NPAS3: variants seen among roughly 807,000 people sequenced by gnomAD.
The protein encoded by NPAS3 is neuronal PAS domain protein 3, also known as neuronal PAS domain-containing protein 3.
In NPAS3, 14 loss-of-function variants were observed where a neutral mutation model predicts 73.1. That is an observed-to-expected ratio of 0.19 (90% CI 0.13 to 0.30). The LOEUF is 0.30. Ranked by LOEUF, NPAS3 falls within the 10% of genes least tolerant of loss-of-function variation. The probability of loss-of-function intolerance (pLI) is 1.00; values close to 1 mark genes in which losing one functional copy is unlikely to be tolerated. For missense variants in NPAS3, 1,096 were observed against 1,250.0 expected, an observed-to-expected ratio of 0.88 and a Z score of 1.86; for synonymous variants, 620 against 541.5, an observed-to-expected ratio of 1.14 and a Z score of -2.01.
chr14:33,676,914 C>T (rs953720934), intron 6 of NPAS3, among the ~76,000 whole-genome samples: 8 of 152,098 alleles, frequency 5.3e-5, no homozygotes, highest in African/African-American at 1.9e-4. Flanking sequence ...CCTTTCTACC[C>T]TCAGTATTTA....
At chr14:33,084,810 C>G (rs1352862913) in intron 2 of NPAS3, among the ~76,000 whole-genome samples, 1 of 152,112 alleles carries the variant, frequency 6.6e-6, no homozygotes. Context: ...ACCGTCTGCC[C>G]TCATATGGGA....
chr14:33,728,441 G>A (rs769961582), intron 6 of NPAS3, among the ~76,000 whole-genome samples: 1 of 152,178 alleles, frequency 6.6e-6, no homozygotes, highest in African/African-American at 2.4e-5. Flanking sequence ...TCACAACTGG[G>A]TAGGGACAGG....
Position 33,800,560 on chromosome 14 carries a change from C to T in NPAS3, c.2253C>T (p.Leu751=), listed in dbSNP as rs1566559538. 2 of 1,322,456 alleles carry T rather than the reference C, an allele frequency of 1.5e-6. No individual in the cohort carries two copies. The highest frequency in any genetic ancestry group is 9.6e-7 in the Non-Finnish European group (1 of 1,044,830). The allele number at this position is 1,322,456 out of a possible 1,614,324, so 81.9% of individuals were successfully genotyped here. ...CCTCCGACCCGCTGTCACCCCCGCT[C>T]TCGGCGTCCCCGCGGGACAAGCACC... Residue 751 remains leucine (L), a synonymous_variant, in exon 12 of 12, where the codon CTC becomes CTT. Transcript: ENST00000356141. This position sits in a 1 kb window ranked among gnomAD's most constrained non-coding sequence, Gnocchi z 6.5.
chr14:33,045,816 T>C, intron 1 of NPAS3, among the ~76,000 whole-genome samples: 1 of 152,186 alleles, frequency 6.6e-6, no homozygotes, highest in Non-Finnish European at 1.5e-5. Context: ...ATAGGGAAGG[T>C]ACATTTATTT....
At chr14:33,719,920 T>C (rs116738442) in intron 6 of NPAS3, among the ~76,000 whole-genome samples, 86 of 152,262 alleles carry the variant, frequency 5.6e-4, no homozygotes, top group African/African-American at 1.8e-3. Flanking sequence ...CGGGGCATCA[T>C]TGGCAGATAA....
At chr14:33,512,475 G>A (rs1313816710) in intron 4 of NPAS3, among the ~76,000 whole-genome samples, 2 of 152,016 alleles carry the variant, frequency 1.3e-5, no homozygotes, top group Non-Finnish European at 2.9e-5. Flanking sequence ...AGATTTGTCA[G>A]ATCAAAATAT....
intron 3 of NPAS3, among the ~76,000 whole-genome samples, chr14:33,325,664 G>T (rs78634489): frequency 1.3e-4 from 19 of 146,496 alleles, no homozygotes; most frequent in African/African-American, 4.5e-4. Flanking sequence ...AAAAAGTACA[G>T]TTAAGTTATT....
At chr14:33,462,725 T>A (rs890149582) in intron 4 of NPAS3, among the ~76,000 whole-genome samples, 2 of 152,226 alleles carry the variant, frequency 1.3e-5, no homozygotes, top group African/African-American at 4.8e-5. Context: ...GAGGAGCTGA[T>A]GTTTGAAGTC....
intron 3 of NPAS3, among the ~76,000 whole-genome samples, chr14:33,259,060 T>C (rs1303848106): frequency 2.0e-5 from 3 of 152,114 alleles, no homozygotes; most frequent in Non-Finnish European, 4.4e-5. Context: ...TGATCCGCCC[T>C]CCTCGGCCTT....
chr14:33,686,192 A>C (rs972383884), intron 6 of NPAS3, among the ~76,000 whole-genome samples: 2 of 152,174 alleles, frequency 1.3e-5, no homozygotes, highest in Non-Finnish European at 2.9e-5. Flanking sequence ...GTGATCTCCC[A>C]GGAGACTCAT....
intron 6 of NPAS3, among the ~76,000 whole-genome samples, chr14:33,711,884 C>T (rs1352892174): frequency 3.9e-5 from 6 of 152,026 alleles, no homozygotes; most frequent in Admixed American, 2.0e-4. Flanking sequence ...CAGTTCTGCA[C>T]GGCTGCTTAG....
At chr14:33,469,941 A>G (rs969242745) in intron 4 of NPAS3, among the ~76,000 whole-genome samples, 1 of 152,122 alleles carries the variant, frequency 6.6e-6, no homozygotes, top group African/African-American at 2.4e-5. Flanking sequence ...TCTCAGCTTC[A>G]CTTGGCATCA....
At chr14:33,620,119 G>A (rs2058035402) in intron 5 of NPAS3, among the ~76,000 whole-genome samples, 1 of 152,158 alleles carries the variant, frequency 6.6e-6, no homozygotes, top group South Asian at 2.1e-4. Flanking sequence ...AAAGAATTGG[G>A]CTGGCCATGC....
chr14:33,786,070 T>C (rs111848771), intron 9 of NPAS3, among the ~76,000 whole-genome samples: 2,171 of 152,310 alleles, frequency 0.014, 45 homozygotes, highest in African/African-American at 0.05. Context: ...AGCCACTCAC[T>C]GGCAAGCGGG....
At chr14:33,019,856 T>G (rs1342760302) in intron 1 of NPAS3, among the ~76,000 whole-genome samples, 1 of 152,226 alleles carries the variant, frequency 6.6e-6, no homozygotes, top group Non-Finnish European at 1.5e-5. Flanking sequence ...GAGAATGCCT[T>G]CTAAACAACC....
chr14:33,557,861 T>C lies in NPAS3; in HGVS notation c.469-2260T>C, dbSNP rs576219803. ...GCGGGTGCCCGTAGTCCCAGCTACTTGGGAGGCTGAGGCAGGAGAATGGTG... is the reference window on the plus strand; with the variant it reads ...GCGGGTGCCCGTAGTCCCAGCTACTCGGGAGGCTGAGGCAGGAGAATGGTG... On this transcript the variant is annotated intron_variant, in intron 4 of 11. Transcript: ENST00000356141. 2.1e-3 allele frequency among the ~76,000 whole-genome samples: 316 copies of C among 152,158 alleles called. 1 individual carries two copies. The highest frequency in any genetic ancestry group is 7.2e-3 in the African/African-American group (297 of 41,512).
intron 1 of NPAS3, among the ~76,000 whole-genome samples, chr14:33,016,573 A>G (rs2039401282): frequency 6.7e-6 from 1 of 148,468 alleles, no homozygotes; most frequent in South Asian, 2.3e-4. Flanking sequence ...ATATAGAACC[A>G]TGAAAAAAGA....
intron 4 of NPAS3, among the ~76,000 whole-genome samples, chr14:33,379,715 G>A (rs2046458229): frequency 6.6e-6 from 1 of 152,250 alleles, no homozygotes; most frequent in Non-Finnish European, 1.5e-5. Flanking sequence ...GGGTGATAAT[G>A]TGCATCGTTT....
intron 7 of NPAS3, among the ~76,000 whole-genome samples, chr14:33,773,828 C>G (rs186725660): frequency 6.6e-6 from 1 of 152,278 alleles, no homozygotes; most frequent in East Asian, 1.9e-4. Context: ...TTGAAAGAAC[C>G]CATTCATGTC....
Sources: allele counts gnomAD v4.1 joint callset (sites outside exome capture counted in the v4.1 genomes callset), GRCh38; gene constraint gnomAD v4.1.1; non-coding constraint Gnocchi (gnomAD v3.1); transcripts MANE v1.5; gene names NCBI Gene and HGNC (gene_info 2026-07-23, HGNC 2026-07-21).